Variants in RAB31 observed in about 807,000 individuals in gnomAD.
RAB31 encodes RAB31, member RAS oncogene family.
RAB31 carries 21 observed loss-of-function variants against 25.6 expected under a neutral mutation model. The ratio of observed to expected loss-of-function variants is 0.82; its 90% confidence interval spans 0.58 to 1.18. The LOEUF (loss-of-function observed/expected upper bound fraction) is 1.18. Among genes scored for constraint, RAB31 ranks in the 50% most tolerant of loss-of-function variants. The probability of loss-of-function intolerance (pLI) is 0.00; values close to 1 mark genes in which losing one functional copy is unlikely to be tolerated. For missense variants in RAB31, 196 were observed against 250.1 expected (o/e 0.78, Z 1.46); for synonymous variants, 87 against 84.0 (o/e 1.04, Z -0.20).
intron 2 of RAB31, among the ~76,000 whole-genome samples, chr18:9,781,771 G>T (rs534095387): frequency 6.6e-6 from 1 of 152,192 alleles, no homozygotes; most frequent in African/African-American, 2.4e-5. Flanking sequence ...TCAAACACCA[G>T]TTGCAGAAAA....
intron 1 of RAB31, among the ~76,000 whole-genome samples, chr18:9,750,222 G>A (rs1466156115): frequency 6.6e-6 from 1 of 152,188 alleles, no homozygotes; most frequent in African/African-American, 2.4e-5. Flanking sequence ...ACTGGTTTGC[G>A]GGAGTGTAAA....
At chr18:9,829,321 T>A (rs1167904666) in intron 5 of RAB31, among the ~76,000 whole-genome samples, 2 of 152,236 alleles carry the variant, frequency 1.3e-5, no homozygotes, top group East Asian at 3.9e-4. Context: ...AATGAGACTG[T>A]ATGTGTCACG....
intron 5 of RAB31, among the ~76,000 whole-genome samples, chr18:9,843,526 A>T (rs575558468): frequency 1.5e-5 from 2 of 133,008 alleles, no homozygotes; most frequent in South Asian, 5.5e-4. Flanking sequence ...AGCCTGGGCG[A>T]CAGAGCAAGA....
intron 5 of RAB31, among the ~76,000 whole-genome samples, chr18:9,842,175 C>G (rs1373344769): frequency 6.6e-6 from 1 of 152,152 alleles, no homozygotes; most frequent in African/African-American, 2.4e-5. Context: ...GCAGCCCGGA[C>G]CCTCTCAAGC....
intron 6 of RAB31, among the ~76,000 whole-genome samples, chr18:9,846,563 G>T (rs1369175101): frequency 1.3e-5 from 2 of 152,186 alleles, no homozygotes; most frequent in African/African-American, 4.8e-5. Context: ...ACCTTAGGAG[G>T]AGTTGAACCC....
At chr18:9,726,931 T>G (rs573607691) in intron 1 of RAB31, among the ~76,000 whole-genome samples, 1 of 152,196 alleles carries the variant, frequency 6.6e-6, no homozygotes, top group South Asian at 2.1e-4. Context: ...AAAAAAAAAG[T>G]AACTAGTTGT....
At chr18:9,734,289 G>A (rs1030963130) in intron 1 of RAB31, among the ~76,000 whole-genome samples, 2 of 152,166 alleles carry the variant, frequency 1.3e-5, no homozygotes, top group African/African-American at 4.8e-5. Context: ...TGGAAGCCTG[G>A]AGAAGTTAAA....
intron 2 of RAB31, among the ~76,000 whole-genome samples, chr18:9,778,693 A>C (rs535025448): frequency 1.3e-5 from 2 of 151,680 alleles, no homozygotes; most frequent in East Asian, 3.9e-4. Flanking sequence ...CTGGTCTTGA[A>C]CTCCTGACCT....
chr18:9,855,774 C>T (rs910007021), intron 6 of RAB31, among the ~76,000 whole-genome samples: 1 of 152,098 alleles, frequency 6.6e-6, no homozygotes, highest in African/African-American at 2.4e-5. Context: ...TGACTTATCC[C>T]AGGCTGAGAG....
In RAB31 at chr18:9,854,511, C is replaced by T. The variant is rs534099314; in HGVS notation, c.491-4717C>T. ...TTTCCATCTGTGCTTCCTGCTTCCCCGTGGCACACTTAAGGCTCACCTAAC... is the reference window on the plus strand; with the variant it reads ...TTTCCATCTGTGCTTCCTGCTTCCCTGTGGCACACTTAAGGCTCACCTAAC... On this transcript the variant is annotated intron_variant, in intron 6 of 6. Coordinates refer to ENST00000578921, the MANE Select transcript of RAB31 (RefSeq NM_006868.4). Among the ~76,000 whole-genome samples the T allele has an allele frequency of 6.6e-5, 10 of 152,268 alleles. No homozygotes were observed. In the East Asian group the frequency reaches 1.2e-3, roughly 18 times the overall value.
intron 6 of RAB31, among the ~76,000 whole-genome samples, chr18:9,847,578 T>G (rs1164114027): frequency 1.3e-5 from 2 of 152,186 alleles, no homozygotes; most frequent in Non-Finnish European, 2.9e-5. Flanking sequence ...ACTAATATCT[T>G]TTTTCTTTTT....
chr18:9,804,553 C>T (rs902339459), intron 3 of RAB31, among the ~76,000 whole-genome samples: 10 of 152,218 alleles, frequency 6.6e-5, no homozygotes, highest in Admixed American at 6.5e-4. Flanking sequence ...CTTCCACTCC[C>T]TTTCCCTTCT....
chr18:9,778,094 T>C (rs1420951813), intron 2 of RAB31, among the ~76,000 whole-genome samples: 1 of 152,182 alleles, frequency 6.6e-6, no homozygotes, highest in Non-Finnish European at 1.5e-5. Flanking sequence ...TGCATACTCA[T>C]ACCACAAATT....
At chr18:9,826,486 T>A (rs2068650449) in intron 5 of RAB31, among the ~76,000 whole-genome samples, 1 of 136,628 alleles carries the variant, frequency 7.3e-6, no homozygotes, top group Admixed American at 7.4e-5. Context: ...TTCCAAAGCA[T>A]TTCCAGGGCC....
rs375107665 is a variant in RAB31, at chr18:9,859,205, C to T, written c.491-23C>T. On this transcript the variant is annotated intron_variant, in intron 6 of 6. Coordinates refer to ENST00000578921, the MANE Select transcript of RAB31 (RefSeq NM_006868.4). ...GTTGGCTGTAGGAAAGGGAACTCAC[C>T]CTTGGCCTCCTTTTTGTTGCAGGCC... is the stretch of plus-strand genomic sequence containing the variant. 18 of 1,582,414 alleles carry T rather than the reference C, an allele frequency of 1.1e-5. No homozygotes were observed. The Middle Eastern group carries it at 5.0e-4, about 44-fold the overall frequency.
intron 1 of RAB31, among the ~76,000 whole-genome samples, chr18:9,728,640 C>T (rs986557327): frequency 1.3e-5 from 2 of 152,116 alleles, no homozygotes; most frequent in Non-Finnish European, 2.9e-5. Context: ...CAGGTTCTAG[C>T]GATTCTCATG....
chr18:9,794,713 G>A lies in RAB31; in HGVS notation c.201+2478G>A, dbSNP rs150390501. ...ACCTGTAGTCCCAACTACTTGGGAG[G>A]CTGAGGCAGAAGAATCACTTGAACC... is the stretch of plus-strand genomic sequence containing the variant. On this transcript the variant is annotated intron_variant, in intron 3 of 6. Coordinates refer to ENST00000578921, the MANE Select transcript of RAB31 (RefSeq NM_006868.4). Among the ~76,000 whole-genome samples, 1,271 of 152,250 alleles carry A rather than the reference G, an allele frequency of 8.3e-3. 9 individuals are homozygous for A. The highest frequency in any genetic ancestry group is 0.02 in the Middle Eastern group (6 of 294).
intron 6 of RAB31, chr18:9,855,947 T>G (rs1398606193): frequency 6.6e-6 from 1 of 152,136 alleles, no homozygotes; most frequent in Non-Finnish European, 1.5e-5. Flanking sequence ...CCTCCCCTTT[T>G]AGTGACGGCT....
At chr18:9,786,210 C>A (rs1025570532) in intron 2 of RAB31, among the ~76,000 whole-genome samples, 7 of 152,156 alleles carry the variant, frequency 4.6e-5, no homozygotes, top group African/African-American at 1.7e-4. Context: ...AATGAAGCCT[C>A]CATAAAAACT....
Sources: allele counts gnomAD v4.1 joint callset (sites outside exome capture counted in the v4.1 genomes callset), GRCh38; gene constraint gnomAD v4.1.1; transcripts MANE v1.5; gene names NCBI Gene and HGNC (gene_info 2026-07-23, HGNC 2026-07-21).